Variants in RNF216 observed in about 807,000 individuals in gnomAD.
RNF216 encodes ring finger protein 216.
Under a neutral mutation model 110.8 loss-of-function variants are expected in RNF216, and 72 were observed. The ratio of observed to expected loss-of-function variants is 0.65; its 90% confidence interval spans 0.54 to 0.79. The LOEUF (loss-of-function observed/expected upper bound fraction) is 0.79, where lower values mean the gene tolerates loss of function less well. RNF216 is among the 30% of genes least tolerant of loss of function. RNF216 has a pLI of 0.00. For synonymous variants in RNF216, 495 were observed against 407.5 expected, an observed-to-expected ratio of 1.21 and a Z score of -2.59; for missense variants, 1,342 against 1,141.2, an observed-to-expected ratio of 1.18 and a Z score of -2.54.
intron 15 of RNF216, among the ~76,000 whole-genome samples, chr7:5,626,412 T>C (rs1270399180): frequency 9.4e-6 from 1 of 105,888 alleles, no homozygotes; most frequent in Non-Finnish European, 2.1e-5. Context: ...GAAAAAAGAC[T>C]AAAAAAAAAA....
chr7:5,765,191 G>A (rs907221797), intron 1 of RNF216, among the ~76,000 whole-genome samples: 3 of 152,192 alleles, frequency 2.0e-5, no homozygotes, highest in East Asian at 1.9e-4. Flanking sequence ...ACCGGGCATG[G>A]TGGCTCACGC....
In RNF216 at chr7:5,680,691, C is replaced by T. The variant is rs757553285; in HGVS notation, c.2062-28181G>A. On this transcript the variant is annotated intron_variant, in intron 13 of 16. Transcript: ENST00000389902. This position sits in a 1 kb window ranked among gnomAD's most constrained non-coding sequence, Gnocchi z 4.3. ...TGCTGGGATTACAGGTGTGAGCCAC[C>T]GCGCCCAGCACTCAACACTTCTACT... Among the ~76,000 whole-genome samples the T allele has an allele frequency of 2.6e-5, 4 of 152,112 alleles. No homozygotes were observed. Among genetic ancestry groups the T allele is most frequent in the Non-Finnish European group, 4.4e-5 (3 of 67,998 alleles).
chr7:5,675,839 A>T (rs542920970), intron 13 of RNF216, among the ~76,000 whole-genome samples: 1 of 151,210 alleles, frequency 6.6e-6, no homozygotes, highest in South Asian at 2.1e-4. Context: ...CCTCCTGAGT[A>T]GCTGGGATTA....
chr7:5,702,393 A>G (rs1460330352), intron 13 of RNF216, among the ~76,000 whole-genome samples: 1 of 152,090 alleles, frequency 6.6e-6, no homozygotes, highest in Admixed American at 6.5e-5. Flanking sequence ...CAAAAATAAA[A>G]TTTTTATTCA....
intron 14 of RNF216, 119 bp from the exon 15 acceptor site, chr7:5,641,495 A>C (rs1787730828): frequency 1.2e-6 from 1 of 808,694 alleles, no homozygotes; most frequent in Non-Finnish European, 1.9e-6. Context: ...TTGTGACATT[A>C]AACAGTGAAA....
chr7:5,694,164 TTAC>T (rs1358650155), intron 13 of RNF216, among the ~76,000 whole-genome samples: 2 of 152,248 alleles, frequency 1.3e-5, no homozygotes, highest in African/African-American at 4.8e-5. Context: ...CAGAAAGGTC[TTAC>T]TAAAAAGGGC....
In RNF216 at chr7:5,625,628, G is replaced by A. The variant is rs541746108; in HGVS notation, c.2383-1503C>T. ...TTCCCCACACAATTGTTTGTGAACC[G>A]CAAGGATTCTGGAGTTAGGAATTTC... On this transcript the variant is annotated intron_variant, in intron 15 of 16. Coordinates refer to ENST00000389902, the MANE Select transcript of RNF216 (RefSeq NM_207111.4). 3.3e-5 allele frequency among the ~76,000 whole-genome samples: 5 copies of A among 152,330 alleles called. No homozygotes were observed. The South Asian group carries it at 6.2e-4, about 19-fold the overall frequency.
At chr7:5,703,160 T>G (rs117202272) in intron 13 of RNF216, among the ~76,000 whole-genome samples, 5 of 152,240 alleles carry the variant, frequency 3.3e-5, no homozygotes, top group African/African-American at 1.2e-4. Context: ...AGCATGGACT[T>G]CCACTCCAGT....
chr7:5,671,606 C>T (rs528247285), intron 13 of RNF216, among the ~76,000 whole-genome samples: 76 of 152,100 alleles, frequency 5.0e-4, no homozygotes, highest in Middle Eastern at 3.4e-3. Flanking sequence ...AGTTCGAGAC[C>T]AGCCTGACCA....
intron 1 of RNF216, among the ~76,000 whole-genome samples, chr7:5,774,191 C>CA (rs11418751): frequency 1 from 151,628 of 152,370 alleles, 75,451 homozygotes; most frequent in East Asian, 1. Flanking sequence ...ATCTTGGTTT[C>CA]CCATTTAGTC....
rs555623873 is a variant in RNF216, at chr7:5,664,858, C to CA, written c.2062-12349dup. Among the ~76,000 whole-genome samples the CA allele has an allele frequency of 4.0e-3, 615 of 152,272 alleles. 11 individuals are homozygous for CA. Among genetic ancestry groups the CA allele is most frequent in the East Asian group, 0.027 (139 of 5,180 alleles). On this transcript the variant is annotated intron_variant, in intron 13 of 16. Coordinates refer to ENST00000389902, the MANE Select transcript of RNF216 (RefSeq NM_207111.4). ...TTGCCCAGGCTGGAGTGCAATGGCA[C>CA]AATCTTGGCTCACCGCAACCTCCAC...
At chr7:5,640,431 T>C (rs967450373) in intron 15 of RNF216, among the ~76,000 whole-genome samples, 12 of 152,166 alleles carry the variant, frequency 7.9e-5, no homozygotes, top group African/African-American at 2.4e-4. Flanking sequence ...ACACTCCAGA[T>C]CTGAGGCCGG....
At chr7:5,752,169 G>A (rs1250941495) in intron 3 of RNF216, among the ~76,000 whole-genome samples, 1 of 151,412 alleles carries the variant, frequency 6.6e-6, no homozygotes, top group African/African-American at 2.4e-5. Context: ...TGGGAAAAGA[G>A]CAAAACTCCG....
chr7:5,690,327 C>CAAAAA (rs200036930), intron 13 of RNF216, among the ~76,000 whole-genome samples: 12 of 100,426 alleles, frequency 1.2e-4, no homozygotes, highest in Non-Finnish European at 2.5e-4. Flanking sequence ...AATTCCATCT[C>CAAAAA]AAAAAAAAAA....
rs535471143 is a variant in RNF216, at chr7:5,726,214, T to G, written c.1390-776A>C. 2.7e-3 allele frequency among the ~76,000 whole-genome samples: 407 copies of G among 152,058 alleles called. 1 individual carries two copies. Among genetic ancestry groups the G allele is most frequent in the African/African-American group, 9.2e-3 (383 of 41,484 alleles). ...ATCACTTGAGCCTGAGAGGCAGGGT[T>G]GCAGTGAGCCATGATTGCGCCACTG... is the stretch of plus-strand genomic sequence containing the variant. On this transcript the variant is annotated intron_variant, in intron 7 of 16. Coordinates refer to ENST00000389902, the MANE Select transcript of RNF216 (RefSeq NM_207111.4).
At chr7:5,679,163 T>C (rs574157092) in intron 13 of RNF216, among the ~76,000 whole-genome samples, 3 of 152,290 alleles carry the variant, frequency 2.0e-5, no homozygotes, top group South Asian at 2.1e-4. Flanking sequence ...AACAGACTTT[T>C]CAGGAGGATC....
chr7:5,654,054 T>A (rs973250665), intron 13 of RNF216, among the ~76,000 whole-genome samples: 12 of 151,936 alleles, frequency 7.9e-5, no homozygotes, highest in African/African-American at 1.7e-4. Context: ...GTATGTCTTT[T>A]AAAAAAAATC....
At chr7:5,630,562 T>C (rs1194968509) in intron 15 of RNF216, among the ~76,000 whole-genome samples, 2 of 152,056 alleles carry the variant, frequency 1.3e-5, no homozygotes, top group African/African-American at 4.8e-5. Context: ...ATTTTTCTTA[T>C]AGAGATGGTG....
chr7:5,671,243 T>C (rs188579870), intron 13 of RNF216, among the ~76,000 whole-genome samples: 6 of 152,212 alleles, frequency 3.9e-5, no homozygotes, highest in African/African-American at 7.2e-5. Flanking sequence ...CATGCCTGAA[T>C]AGACTTGCCT....
Sources: gnomAD v4.1 joint callset for allele counts (sites outside exome capture counted in the v4.1 genomes callset) on GRCh38, gnomAD v4.1.1 for gene constraint, Gnocchi (gnomAD v3.1) non-coding constraint, MANE v1.5 for transcripts, NCBI Gene and HGNC (gene_info 2026-07-23, HGNC 2026-07-21) for gene names.